GRIN2A: variants seen among roughly 807,000 people sequenced by gnomAD.
GRIN2A encodes glutamate receptor ionotropic, NMDA 2A.
GRIN2A carries 22 observed loss-of-function variants against 113.4 expected under a neutral mutation model. That is an observed-to-expected ratio of 0.19 (90% CI 0.14 to 0.28). The LOEUF is 0.28. Ranked by LOEUF, GRIN2A falls within the 10% of genes least tolerant of loss-of-function variation. The pLI is 1.00. For synonymous variants in GRIN2A, 827 were observed against 738.4 expected, an observed-to-expected ratio of 1.12 and a Z score of -1.94; for missense variants, 1,502 against 1,887.0, an observed-to-expected ratio of 0.80 and a Z score of 3.78.
Position 9,762,950 on chromosome 16 carries a change from A to G in GRIN2A, c.*199T>C, listed in dbSNP as rs1900652354. 1.6e-6 allele frequency: 1 copy of G among 625,660 alleles called. No homozygotes were observed. The highest frequency in any genetic ancestry group is 2.0e-5 in the South Asian group (1 of 51,074). The allele number at this position is 625,660 out of a possible 1,614,324, so 38.8% of individuals were successfully genotyped here. The stretch of plus-strand genomic sequence containing the variant: ...CACCTATCTGGTGTCTGCCATGCTC[A>G]GCACACACCTCACAAGATTCCTTGA... On this transcript the variant is annotated 3_prime_UTR_variant, in exon 13 of 13. Transcript: ENST00000330684.
chr16:10,125,852 C>T (rs1292584898), intron 2 of GRIN2A, among the ~76,000 whole-genome samples: 1 of 152,020 alleles, frequency 6.6e-6, no homozygotes, highest in African/African-American at 2.4e-5. Context: ...AAGGGCCAGT[C>T]TTTCCCCAAA....
intron 2 of GRIN2A, among the ~76,000 whole-genome samples, chr16:10,162,107 C>G (rs188134753): frequency 2.1e-3 from 316 of 152,212 alleles, no homozygotes; most frequent in African/African-American, 7.0e-3. Context: ...TACCACACCC[C>G]CTAGGACTAT....
At position 9,950,452 on chromosome 16, in the gene GRIN2A, C is replaced by G. The variant is rs549879690; in HGVS notation, c.415-11901G>C. Among the ~76,000 whole-genome samples, 12 of 152,278 alleles carry G rather than the reference C, an allele frequency of 7.9e-5. No homozygotes were observed. The South Asian group carries it at 2.5e-3, about 32-fold the overall frequency. On this transcript the variant is annotated intron_variant, in intron 2 of 12. Coordinates refer to ENST00000330684, the MANE Select transcript of GRIN2A (RefSeq NM_001134407.3). The stretch of plus-strand genomic sequence containing the variant: ...TAGGAGGGAGGAGGTCACCACCCAT[C>G]AGATGTGGGTACCTGGAGACCCACA...
chr16:9,993,172 G>A (rs187645958), intron 2 of GRIN2A, among the ~76,000 whole-genome samples: 2 of 152,212 alleles, frequency 1.3e-5, no homozygotes, highest in Admixed American at 6.5e-5. Flanking sequence ...GGCAGAGGTT[G>A]CAGTGAGCCG....
intron 2 of GRIN2A, chr16:10,027,606 C>T (rs1278442003): frequency 1.3e-5 from 2 of 152,438 alleles, no homozygotes; most frequent in Non-Finnish European, 2.9e-5. Flanking sequence ...TGGAAACATC[C>T]TTGGCTTCTG....
chr16:9,799,582 C>T (rs1366855886), intron 10 of GRIN2A, among the ~76,000 whole-genome samples: 2 of 152,218 alleles, frequency 1.3e-5, no homozygotes, highest in Non-Finnish European at 2.9e-5. Flanking sequence ...AACAAACGAA[C>T]TTTGCTGTGT....
At chr16:9,912,741 A>G (rs1485797920) in intron 3 of GRIN2A, among the ~76,000 whole-genome samples, 1 of 152,256 alleles carries the variant, frequency 6.6e-6, no homozygotes, top group South Asian at 2.1e-4. Context: ...AGCCTGGAAC[A>G]TAGTAACTGA....
chr16:9,812,387 C>T (rs1237839744), intron 10 of GRIN2A, among the ~76,000 whole-genome samples: 1 of 152,170 alleles, frequency 6.6e-6, no homozygotes, highest in East Asian at 1.9e-4. Context: ...GCCTGTAATC[C>T]CAGCACTTTG....
At chr16:10,018,770 T>C (rs2046657493) in intron 2 of GRIN2A, among the ~76,000 whole-genome samples, 2 of 152,180 alleles carry the variant, frequency 1.3e-5, no homozygotes, top group East Asian at 3.9e-4. Flanking sequence ...AGAAAACTCA[T>C]CTCCCAACCC....
intron 2 of GRIN2A, among the ~76,000 whole-genome samples, chr16:10,128,317 G>A (rs570076577): frequency 6.6e-5 from 10 of 152,268 alleles, no homozygotes; most frequent in African/African-American, 2.2e-4. Context: ...CAAAGATAAG[G>A]GTGGTCTTGG....
intron 7 of GRIN2A, among the ~76,000 whole-genome samples, chr16:9,839,250 C>G (rs551755562): frequency 6.6e-6 from 1 of 152,094 alleles, no homozygotes; most frequent in Non-Finnish European, 1.5e-5. Flanking sequence ...TAATACAACA[C>G]TTTCCTTTAA....
At chr16:10,141,032 A>C (rs1596546941) in intron 2 of GRIN2A, among the ~76,000 whole-genome samples, 1 of 152,248 alleles carries the variant, frequency 6.6e-6, no homozygotes, top group African/African-American at 2.4e-5. Flanking sequence ...CATCTCTTCA[A>C]AAATAAAAAT....
At chr16:9,972,928 T>A (rs769430594) in intron 2 of GRIN2A, among the ~76,000 whole-genome samples, 3 of 152,192 alleles carry the variant, frequency 2.0e-5, no homozygotes, top group Non-Finnish European at 4.4e-5. Flanking sequence ...TCAGAGTTTT[T>A]AAGGATAATT....
chr16:10,081,584 C>T (rs890098663), intron 2 of GRIN2A, among the ~76,000 whole-genome samples: 3 of 152,188 alleles, frequency 2.0e-5, no homozygotes, highest in African/African-American at 7.2e-5. Flanking sequence ...TTAAGCCCAA[C>T]ATTTTGCCAT....
At chr16:10,037,459 C>T (rs966636364) in intron 2 of GRIN2A, among the ~76,000 whole-genome samples, 2 of 152,062 alleles carry the variant, frequency 1.3e-5, no homozygotes, top group African/African-American at 4.8e-5. Context: ...CATGCATTAT[C>T]CAGAGTGATC....
At chr16:9,969,642 T>C (rs998631364) in intron 2 of GRIN2A, among the ~76,000 whole-genome samples, 2 of 152,150 alleles carry the variant, frequency 1.3e-5, no homozygotes, top group Admixed American at 6.5e-5. Flanking sequence ...GCCATCCAGA[T>C]ACCCTAGACC....
At chr16:9,776,221 C>T (rs996300834) in intron 11 of GRIN2A, among the ~76,000 whole-genome samples, 2 of 151,814 alleles carry the variant, frequency 1.3e-5, no homozygotes, top group African/African-American at 4.8e-5. Context: ...GAAGTCTTCC[C>T]TGAAGGCACA....
chr16:9,798,536 G>A, intron 10 of GRIN2A, 72 bp from the exon 11 acceptor site: 1 of 1,103,508 alleles, frequency 9.1e-7, no homozygotes, highest in Non-Finnish European at 1.4e-6. Context: ...CCTGAGGCCT[G>A]ATCCTGAAAG....
chr16:9,921,628 G>A (rs1234283801), intron 3 of GRIN2A, among the ~76,000 whole-genome samples: 2 of 152,122 alleles, frequency 1.3e-5, no homozygotes, highest in South Asian at 2.1e-4. Context: ...TAAGTGCTGT[G>A]GTAGCAATTA....
Sources: gnomAD v4.1 joint callset for allele counts (sites outside exome capture counted in the v4.1 genomes callset) on GRCh38, gnomAD v4.1.1 for gene constraint, MANE v1.5 for transcripts, NCBI Gene and HGNC (gene_info 2026-07-23, HGNC 2026-07-21) for gene names.